DOP1A: variants seen among roughly 807,000 people sequenced by gnomAD.
The protein encoded by DOP1A is DOP1 leucine zipper like protein A, also known as protein DOP1A.
In DOP1A, 90 loss-of-function variants were observed where a neutral mutation model predicts 267.6. That is an observed-to-expected ratio of 0.34 (90% confidence interval 0.28 to 0.40). DOP1A has a LOEUF of 0.40. Among genes scored for constraint, DOP1A ranks in the 10% least tolerant of loss-of-function variants. The pLI, the probability that DOP1A is intolerant of heterozygous loss-of-function variation, is 1.00. For missense variants in DOP1A, 2,437 were observed against 2,900.4 expected, an observed-to-expected ratio of 0.84 and a Z score of 3.67; for synonymous variants, 932 against 999.1, an observed-to-expected ratio of 0.93 and a Z score of 1.27.
intron 31 of DOP1A, 125 bp from the exon 32 acceptor site, chr6:83,153,769 C>T: frequency 8.4e-7 from 1 of 1,197,226 alleles, no homozygotes; most frequent in Non-Finnish European, 1.1e-6. Context: ...TATTATTTTT[C>T]TTATGGTGCT....
chr6:83,113,275 A>C (rs1353355198), intron 6 of DOP1A, 48 bp from the exon 7 acceptor site: 3 of 1,471,506 alleles, frequency 2.0e-6, no homozygotes, highest in Admixed American at 3.7e-5. Flanking sequence ...CGTGGCAAAA[A>C]TGTCTCAGCA....
rs770150627 is a variant in DOP1A, at chr6:83,097,124, G to C, written c.138+9G>C. On this transcript the variant is annotated intron_variant, in intron 3 of 38. Coordinates refer to ENST00000349129, the MANE Select transcript of DOP1A (RefSeq NM_015018.4). Reference sequence around the variant, plus strand: ...TTGGAAAACTTAATAAGGTATGTCTGTATTATCCATTTCATAAAAGGAGTA... The same window carrying C: ...TTGGAAAACTTAATAAGGTATGTCTCTATTATCCATTTCATAAAAGGAGTA... 6.2e-7 allele frequency: 1 copy of C among 1,609,266 alleles called. No homozygotes were observed. The highest frequency in any genetic ancestry group is 2.2e-5 in the East Asian group (1 of 44,816).
rs374555661 is a variant in DOP1A, at chr6:83,152,359, C to T, written c.6121C>T (p.Leu2041Phe). Residue 2041 changes from leucine to phenylalanine, a missense_variant, in exon 30 of 39, where the codon CTC (leucine) becomes TTC (phenylalanine). This residue lies in a region of DOP1A where 216 missense variants were observed against 283.3 expected (regional missense o/e 0.76). Transcript: ENST00000349129. ...ATATAGTGTCCATGCATTGACATTA[C>T]TCTCTGAGGTAAATATTAAGCTTTT... is the stretch of plus-strand genomic sequence containing the variant. ...SVYSVHALTL[L>F]SEVLAHLLDM... 3 of 1,513,320 alleles carry T rather than the reference C, an allele frequency of 2.0e-6. No homozygotes were observed. Among genetic ancestry groups the T allele is most frequent in the Non-Finnish European group, 2.7e-6 (3 of 1,126,190 alleles). 93.7% of individuals were successfully genotyped at this position (1,513,320 alleles called of 1,614,324 possible).
chr6:83,170,155 G>A, downstream of DOP1A: 1 of 662,466 alleles, frequency 1.5e-6, no homozygotes, highest in Non-Finnish European at 2.5e-6. Context: ...TACTGCTGGT[G>A]AAAATAATTT....
At chr6:83,107,651 A>C (rs1773865747) in intron 4 of DOP1A, among the ~76,000 whole-genome samples, 1 of 152,234 alleles carries the variant, frequency 6.6e-6, no homozygotes, top group Non-Finnish European at 1.5e-5. Flanking sequence ...TACTATGAGA[A>C]CATCAAATAG....
In DOP1A at chr6:83,138,761, C is replaced by A; in HGVS notation, c.4719C>A (p.Asp1573Glu). Residue 1573 changes from aspartate (D) to glutamate (E), a missense_variant, in exon 21 of 39, where the codon GAC becomes GAA. Transcript: ENST00000349129. ...SLINFSEDEF[D>E]NGSTLQSQLL... ...TTAATTTCTCAGAGGATGAATTTGA[C>A]AATGGCAGCACGTTGCAGTCACAAC... The A allele has an allele frequency of 6.2e-7, 1 of 1,614,006 alleles. No homozygotes were observed. Among genetic ancestry groups the A allele is most frequent in the Non-Finnish European group, 8.5e-7 (1 of 1,179,932 alleles).
chr6:83,115,146 A>G (rs1431642523), intron 7 of DOP1A, among the ~76,000 whole-genome samples: 1 of 152,196 alleles, frequency 6.6e-6, no homozygotes, highest in Non-Finnish European at 1.5e-5. Context: ...TGTTTCCTGG[A>G]AAGCTCACCC....
At chr6:83,144,451 G>A (rs1332836958) in intron 24 of DOP1A, among the ~76,000 whole-genome samples, 2 of 152,088 alleles carry the variant, frequency 1.3e-5, no homozygotes, top group Non-Finnish European at 2.9e-5. Context: ...AAGTATGTAG[G>A]GATGAATTTT....
At chr6:83,072,313 A>C (rs1185313868) in intron 1 of DOP1A, among the ~76,000 whole-genome samples, 1 of 146,100 alleles carries the variant, frequency 6.8e-6, no homozygotes, top group Non-Finnish European at 1.5e-5. Flanking sequence ...AACGGTTTCC[A>C]AAAAAAAAAA....
At chr6:83,159,134 CAGT>C (rs1783575714) in intron 36 of DOP1A, among the ~76,000 whole-genome samples, 1 of 152,124 alleles carries the variant, frequency 6.6e-6, no homozygotes, top group Admixed American at 6.5e-5. Context: ...TTTTCTTCTT[CAGT>C]AGTAGATTTA....
chr6:83,137,687 G>T lies in DOP1A; in HGVS notation c.3645G>T (p.Gln1215His), dbSNP rs1395209587. 2 of 1,613,456 alleles carry T rather than the reference G, an allele frequency of 1.2e-6. No individual in the cohort carries two copies. Among genetic ancestry groups the T allele is most frequent in the South Asian group, 1.1e-5 (1 of 91,038 alleles). Residue 1215 changes from glutamine to histidine, a missense_variant, in exon 21 of 39, where the codon CAG (glutamine) becomes CAT (histidine). Around this residue, in one of 9 missense-constraint regions of DOP1A, gnomAD observed 878 missense variants for 992.9 expected, o/e 0.88. Coordinates refer to ENST00000349129, the MANE Select transcript of DOP1A (RefSeq NM_015018.4). ...QNALLSNESS[Q>H]FLSVSAEGGH... ...CTTTGCTGAGTAATGAAAGTTCTCA[G>T]TTTCTGTCTGTGTCTGCAGAGGGAG...
At chr6:83,122,233 A>G (rs9444037) in intron 11 of DOP1A, among the ~76,000 whole-genome samples, 183 bp downstream of exon 11, 4,908 of 151,974 alleles carry the variant, frequency 0.032, 200 homozygotes, top group African/African-American at 0.091. Context: ...GTGCCTCACT[A>G]TATAAAGACA....
chr6:83,144,799 G>C (rs1454153867), intron 24 of DOP1A, among the ~76,000 whole-genome samples: 3 of 151,870 alleles, frequency 2.0e-5, no homozygotes, highest in Non-Finnish European at 4.4e-5. Flanking sequence ...GGTTGCTTTG[G>C]GGCATGGGAA....
chr6:83,124,054 C>T (rs1562325631), intron 12 of DOP1A, among the ~76,000 whole-genome samples: 1 of 152,092 alleles, frequency 6.6e-6, no homozygotes, highest in East Asian at 1.9e-4. Flanking sequence ...AATAGCCTAT[C>T]AGAATCAATG....
chr6:83,154,268 G>A, intron 33 of DOP1A, 27 bp downstream of exon 33: 2 of 1,592,482 alleles, frequency 1.3e-6, no homozygotes, highest in Non-Finnish European at 1.7e-6. Context: ...GACAATCCAA[G>A]TTCTTTCCTG....
At chr6:83,112,995 G>A (rs188821315) in intron 6 of DOP1A, among the ~76,000 whole-genome samples, 50 of 152,108 alleles carry the variant, frequency 3.3e-4, no homozygotes, top group Non-Finnish European at 4.4e-4. Context: ...GACAAGGAAA[G>A]ATCTCTAAAA....
intron 27 of DOP1A, among the ~76,000 whole-genome samples, chr6:83,151,313 C>A (rs1458403986): frequency 6.6e-6 from 1 of 152,146 alleles, no homozygotes; most frequent in Non-Finnish European, 1.5e-5. Context: ...CACCACCACG[C>A]CTGGCCACAT....
chr6:83,153,902 A>C lies in DOP1A; in HGVS notation c.6248A>C (p.Asn2083Thr). ...GTTTTTCTTCCTTGTAGTGCACATA[A>C]TGCCCCTAGTTATCGAGCTTGTGTC... ...VPYLRNHSAH[N>T]APSYRACVQL... is the part of the protein sequence containing the mutation. Residue 2083 changes from asparagine (N) to threonine (T), a missense_variant, in exon 32 of 39, where the codon AAT (asparagine) becomes ACT (threonine). Transcript: ENST00000349129. 1.9e-6 allele frequency: 3 copies of C among 1,611,578 alleles called. No individual in the cohort carries two copies. Among genetic ancestry groups the C allele is most frequent in the Non-Finnish European group, 2.5e-6 (3 of 1,179,404 alleles).
At chr6:83,153,053 G>C (rs751838475) in intron 30 of DOP1A, among the ~76,000 whole-genome samples, 1 of 152,152 alleles carries the variant, frequency 6.6e-6, no homozygotes, top group African/African-American at 2.4e-5. Context: ...CCTCTTTGCA[G>C]ATGTGGATAG....
Sources: gnomAD v4.1 joint callset for allele counts (sites outside exome capture counted in the v4.1 genomes callset) on GRCh38, gnomAD v4.1.1 for gene constraint, gnomAD v4.1.1 regional missense constraint, MANE v1.5 for transcripts, NCBI Gene and HGNC (gene_info 2026-07-23, HGNC 2026-07-21) for gene names.